SLC25A53: variants seen among roughly 807,000 people sequenced by gnomAD.
SLC25A53 encodes the protein solute carrier family 25 member 53, also known as mitochondrial carrier triple repeat protein 6.
Under a neutral mutation model 15.0 loss-of-function variants are expected in SLC25A53, and 5 were observed. The ratio of observed to expected loss-of-function variants is 0.33; its 90% CI spans 0.17 to 0.70. The LOEUF (loss-of-function observed/expected upper bound fraction) is 0.70. Among genes scored for constraint, SLC25A53 ranks in the 30% least tolerant of loss-of-function variants. The pLI, the probability that SLC25A53 is intolerant of heterozygous loss-of-function variation, is 0.67. For missense variants in SLC25A53, 216 were observed against 241.6 expected (o/e 0.89, Z 0.70); for synonymous variants, 95 against 100.0 (o/e 0.95, Z 0.30).
At chrX:104,129,717 G>A (rs1472835136) in intron 1 of SLC25A53, among the ~76,000 whole-genome samples, 1 of 108,200 alleles carries the variant, frequency 9.2e-6, no homozygotes, top group Non-Finnish European at 1.9e-5. Context: ...TATGAAATCT[G>A]TGAATAATAA....
At chrX:104,110,058 T>C (rs183592165) in intron 1 of SLC25A53, among the ~76,000 whole-genome samples, 2 of 111,818 alleles carry the variant, frequency 1.8e-5, no homozygotes, top group African/African-American at 6.5e-5. Flanking sequence ...TTTGTTCTAG[T>C]AGCCCAACCC....
chrX:104,110,203 C>T (rs2075332767), intron 1 of SLC25A53, among the ~76,000 whole-genome samples: 1 of 111,991 alleles, frequency 8.9e-6, no homozygotes, highest in Non-Finnish European at 1.9e-5. Context: ...AATTTAAACA[C>T]TGAACAAGAC....
rs1335086674 is a variant in SLC25A53 at position 104,101,119 on chromosome X, G to T, written c.*3215C>A. ...CACAGAACTTGGGGAAATACTTAAC[G>T]TTTACCACTTTATTATAAAGGATAT... On this transcript the variant is annotated 3_prime_UTR_variant, in exon 2 of 2. Coordinates refer to ENST00000594199, the MANE Select transcript of SLC25A53 (RefSeq NM_001012755.5). 2 of 111,983 alleles carry T rather than the reference G, an allele frequency of 1.8e-5. No individual in the cohort carries two copies. The allele number at this position is 111,983 out of a possible 1,213,427, so 9.2% of individuals were successfully genotyped here.
chrX:104,120,969 G>T (rs1318642347), intron 1 of SLC25A53, among the ~76,000 whole-genome samples: 1 of 111,607 alleles, frequency 9.0e-6, no homozygotes, highest in Admixed American at 9.5e-5. Flanking sequence ...TACATTATTT[G>T]GGTTTCTAAT....
In SLC25A53 at chrX:104,103,832, G is replaced by C. The variant is rs782757197; in HGVS notation, c.*502C>G. The C allele has an allele frequency of 8.7e-6, 1 of 114,337 alleles. No individual in the cohort carries two copies. The highest frequency in any genetic ancestry group is 3.6e-4 in the South Asian group (1 of 2,787). The allele number at this position is 114,337 out of a possible 1,213,427, so 9.4% of individuals were successfully genotyped here. On this transcript the variant is annotated 3_prime_UTR_variant, in exon 2 of 2. Coordinates refer to ENST00000594199, the MANE Select transcript of SLC25A53 (RefSeq NM_001012755.5). ...CCCTGAAAGTAGGACCCACAGCCTT[G>C]AGAAGTGAGAGGTGGTGGTAGAGGC...
chrX:104,142,920 C>CAAAA (rs1216011123), intron 1 of SLC25A53, among the ~76,000 whole-genome samples: 2 of 33,950 alleles, frequency 5.9e-5, no homozygotes, highest in African/African-American at 2.0e-4. Flanking sequence ...GACTCCATCT[C>CAAAA]AAAAAAAAAA....
chrX:104,155,680 C>G (rs1340497298), intron 1 of SLC25A53, among the ~76,000 whole-genome samples: 1 of 111,234 alleles, frequency 9.0e-6, no homozygotes, highest in Non-Finnish European at 1.9e-5. Context: ...TTTGCACTCA[C>G]GTAAGACTGA....
intron 1 of SLC25A53, among the ~76,000 whole-genome samples, chrX:104,153,262 A>ATTT (rs199783059): frequency 2.4e-5 from 2 of 83,320 alleles, no homozygotes; most frequent in Non-Finnish European, 2.4e-5. Context: ...ATATATATAT[A>ATTT]TTTTTTTTTT....
At chrX:104,141,751 C>T (rs1391999251) in intron 1 of SLC25A53, among the ~76,000 whole-genome samples, 1 of 110,808 alleles carries the variant, frequency 9.0e-6, no homozygotes, top group Non-Finnish European at 1.9e-5. Context: ...CCACGCCTGG[C>T]TAATTTTTGA....
rs372389433 is a variant in SLC25A53, at chrX:104,144,820, T to A, written c.-32+12058A>T. Among the ~76,000 whole-genome samples, 6 of 111,382 alleles carry A rather than the reference T, an allele frequency of 5.4e-5. No homozygotes were observed. The East Asian group carries it at 1.4e-3, about 26-fold the overall frequency. The stretch of plus-strand genomic sequence containing the variant: ...GGAGCACCTAGATTCATAAAGCAAG[T>A]TCTTAGAGACCTACAAAGAGATTTA... On this transcript the variant is annotated intron_variant, in intron 1 of 1. Transcript: ENST00000594199.
At chrX:104,141,802 G>A (rs1419040789) in intron 1 of SLC25A53, among the ~76,000 whole-genome samples, 1 of 111,155 alleles carries the variant, frequency 9.0e-6, no homozygotes, top group Non-Finnish European at 1.9e-5. Flanking sequence ...TGCCCAGGCT[G>A]GTCTCCAACT....
At chrX:104,132,094 T>C (rs1395305621) in intron 1 of SLC25A53, among the ~76,000 whole-genome samples, 1 of 112,481 alleles carries the variant, frequency 8.9e-6, no homozygotes, top group African/African-American at 3.2e-5. Context: ...AAATACTAGG[T>C]CTCTGGCAGA....
intron 1 of SLC25A53, chrX:104,131,013 AC>A (rs2075424409): frequency 1.8e-5 from 2 of 111,891 alleles, no homozygotes; most frequent in African/African-American, 6.5e-5. Context: ...CTCCTGTCCC[AC>A]GTGGCATCTA....
intron 1 of SLC25A53, among the ~76,000 whole-genome samples, chrX:104,143,417 T>C (rs1287144720): frequency 8.9e-6 from 1 of 111,891 alleles, no homozygotes; most frequent in Non-Finnish European, 1.9e-5. Flanking sequence ...AATGACCTGA[T>C]GGAGCTGAAA....
At chrX:104,146,469 G>A (rs1556368958) in intron 1 of SLC25A53, among the ~76,000 whole-genome samples, 1 of 111,471 alleles carries the variant, frequency 9.0e-6, no homozygotes, top group Non-Finnish European at 1.9e-5. Context: ...AATTAGGCAG[G>A]AGAAGGAAAT....
rs1195225392 is a variant in SLC25A53 at position 104,156,068 on chromosome X, AAG to A, written c.-32+808_-32+809del. On this transcript the variant is annotated intron_variant, in intron 1 of 1. Coordinates refer to ENST00000594199, the MANE Select transcript of SLC25A53 (RefSeq NM_001012755.5). ...GAGACTCCTTATCAAAAAAAAAAAAAAGAAAGAAAGAAAGAAAAAAAAAAAGA... is the reference window on the plus strand; with the variant it reads ...GAGACTCCTTATCAAAAAAAAAAAAAAAAGAAAGAAAGAAAAAAAAAAAGA... Among the ~76,000 whole-genome samples the A allele has an allele frequency of 5.6e-3, 584 of 104,859 alleles. 2 individuals carry two copies. Among genetic ancestry groups the A allele is most frequent in the African/African-American group, 0.021 (558 of 26,711 alleles). The allele number at this position is 104,859 out of a possible 115,157, so 91.1% of individuals were successfully genotyped here.
At chrX:104,105,322 C>A in intron 1 of SLC25A53, 34 bp from the exon 2 acceptor site, 2 of 951,139 alleles carry the variant, frequency 2.1e-6, no homozygotes, top group African/African-American at 1.9e-5. Flanking sequence ...ATTAGACTGA[C>A]CAATTAATTC....
intron 1 of SLC25A53, among the ~76,000 whole-genome samples, chrX:104,149,258 G>A (rs782474498): frequency 2.7e-5 from 3 of 112,328 alleles, no homozygotes; most frequent in South Asian, 3.6e-4. Context: ...CTATTGCTTC[G>A]TAATAAACCA....
chrX:104,114,254 T>C, intron 1 of SLC25A53: 3 of 1,209,587 alleles, frequency 2.5e-6, no homozygotes, highest in Non-Finnish European at 3.4e-6. Context: ...ATGAAGTTGT[T>C]CTCAGGAAGA....
Sources: gnomAD v4.1 joint callset for allele counts (sites outside exome capture counted in the v4.1 genomes callset) on GRCh38, gnomAD v4.1.1 for gene constraint, MANE v1.5 for transcripts, NCBI Gene and HGNC (gene_info 2026-07-23, HGNC 2026-07-21) for gene names.